The following SMYD3 variants were observed in gnomAD, a reference collection of about 807,000 sequenced individuals.
The protein encoded by SMYD3 is histone-lysine N-methyltransferase SMYD3.
SMYD3 carries 36 observed loss-of-function variants against 57.7 expected under a neutral mutation model. The ratio of observed to expected loss-of-function variants is 0.62; its 90% CI spans 0.48 to 0.82. The LOEUF is 0.82. SMYD3 is among the 40% of genes least tolerant of loss of function. The pLI, the probability that SMYD3 is intolerant of heterozygous loss-of-function variation, is 0.00. For synonymous variants in SMYD3, 211 were observed against 195.0 expected (o/e 1.08, Z -0.68); for missense variants, 515 against 538.8 (o/e 0.96, Z 0.44).
At chr1:246,113,872 T>A (rs184400467) in intron 5 of SMYD3, 4 of 152,080 alleles carry the variant, frequency 2.6e-5, no homozygotes, top group Admixed American at 1.3e-4. Flanking sequence ...AATGACCACC[T>A]CACTCTACTC....
intron 5 of SMYD3, among the ~76,000 whole-genome samples, chr1:245,991,766 C>T (rs976164386): frequency 1.3e-5 from 2 of 151,828 alleles, no homozygotes; most frequent in South Asian, 2.1e-4. Context: ...AACGGCCTGC[C>T]GTCATTTCTA....
At chr1:246,145,741 C>T (rs527365563) in intron 5 of SMYD3, among the ~76,000 whole-genome samples, 2 of 152,286 alleles carry the variant, frequency 1.3e-5, no homozygotes, top group South Asian at 2.1e-4. Context: ...ACAGACATCA[C>T]GAAGGTTAAA....
At position 246,166,761 on chromosome 1, in the gene SMYD3, G is replaced by A. The variant is rs544612808; in HGVS notation, c.531+160440C>T. ...GTAATACCTGAGAGCTAGGGGCCGC[G>A]GGATAACTTAGTCATTATTGTTTTT... On this transcript the variant is annotated intron_variant, in intron 5 of 11. Transcript: ENST00000490107. Among the ~76,000 whole-genome samples the A allele has an allele frequency of 1.6e-3, 248 of 152,206 alleles. 1 individual carries two copies. Among genetic ancestry groups the A allele is most frequent in the African/African-American group, 5.5e-3 (229 of 41,514 alleles).
intron 5 of SMYD3, among the ~76,000 whole-genome samples, chr1:246,205,854 T>G (rs1036507952): frequency 6.6e-5 from 10 of 152,086 alleles, no homozygotes; most frequent in African/African-American, 2.2e-4. Context: ...AAGAGCAAAC[T>G]TCCCAGTTCT....
At chr1:246,152,742 TA>T (rs1274146470) in intron 5 of SMYD3, among the ~76,000 whole-genome samples, 1 of 140,940 alleles carries the variant, frequency 7.1e-6, no homozygotes, top group Non-Finnish European at 1.6e-5. Context: ...GAATTAACAT[TA>T]CGTATTTTTG....
At chr1:245,993,627 TAGATAGACAGAC>T (rs1336038746) in intron 5 of SMYD3, among the ~76,000 whole-genome samples, 76 of 107,018 alleles carry the variant, frequency 7.1e-4, no homozygotes, top group African/African-American at 2.7e-3. Context: ...GATAGATAGA[TAGATAGACAGAC>T]AGACAGACAG....
chr1:245,874,629 T>G (rs1038006857), intron 8 of SMYD3, among the ~76,000 whole-genome samples: 2 of 152,218 alleles, frequency 1.3e-5, no homozygotes, highest in African/African-American at 4.8e-5. Context: ...CCTTAGACCA[T>G]GTGTCACACA....
At chr1:246,471,898 A>C (rs533652106) in intron 1 of SMYD3, among the ~76,000 whole-genome samples, 11 of 152,362 alleles carry the variant, frequency 7.2e-5, no homozygotes, top group Non-Finnish European at 1.5e-4. Context: ...ATTAGCAGGA[A>C]GCACAACCCA....
intron 5 of SMYD3, among the ~76,000 whole-genome samples, chr1:246,172,128 T>C (rs1456190756): frequency 6.6e-6 from 1 of 152,198 alleles, no homozygotes. Context: ...GGCAGGTGAA[T>C]GTGAAGGCCT....
chr1:246,473,109 G>A (rs964879742), intron 1 of SMYD3, among the ~76,000 whole-genome samples: 18 of 151,866 alleles, frequency 1.2e-4, no homozygotes, highest in Admixed American at 3.3e-4. Flanking sequence ...CACCTGCCTC[G>A]GCCTCCCAAA....
intron 5 of SMYD3, among the ~76,000 whole-genome samples, chr1:246,304,976 T>C (rs182641943): frequency 6.6e-6 from 1 of 152,286 alleles, no homozygotes; most frequent in Admixed American, 6.5e-5. Flanking sequence ...CAGGAACAAC[T>C]AACATATACC....
chr1:246,169,935 A>G (rs1010365436), intron 5 of SMYD3, among the ~76,000 whole-genome samples: 1 of 151,884 alleles, frequency 6.6e-6, no homozygotes, highest in East Asian at 1.9e-4. Context: ...AGAAATCTTC[A>G]GTCTAAAATG....
At chr1:246,413,548 G>A (rs2067009911) in intron 1 of SMYD3, among the ~76,000 whole-genome samples, 1 of 152,248 alleles carries the variant, frequency 6.6e-6, no homozygotes. Context: ...AGGGTTGGAG[G>A]TGGGGCCTGC....
intron 1 of SMYD3, among the ~76,000 whole-genome samples, chr1:246,412,868 A>AG (rs939700047): frequency 6.6e-6 from 1 of 152,006 alleles, no homozygotes; most frequent in Non-Finnish European, 1.5e-5. Context: ...CAAAAAAAAA[A>AG]AAAAAAAGAA....
intron 5 of SMYD3, among the ~76,000 whole-genome samples, chr1:246,249,643 C>T (rs1035979188): frequency 6.6e-6 from 1 of 151,884 alleles, no homozygotes; most frequent in Admixed American, 6.6e-5. Flanking sequence ...TACAGCCCAA[C>T]AAAACAGTTT....
intron 10 of SMYD3, among the ~76,000 whole-genome samples, chr1:245,783,589 G>C (rs1365543366): frequency 6.6e-6 from 1 of 151,806 alleles, no homozygotes; most frequent in Non-Finnish European, 1.5e-5. Context: ...AGAATAGAAA[G>C]GAAAAAATAA....
chr1:245,766,601 A>C (rs939525510), intron 10 of SMYD3, among the ~76,000 whole-genome samples: 1 of 152,182 alleles, frequency 6.6e-6, no homozygotes, highest in Non-Finnish European at 1.5e-5. Context: ...GCATAAGGGC[A>C]GGACGCCATC....
intron 3 of SMYD3, among the ~76,000 whole-genome samples, chr1:246,335,079 GTCTAATGA>G (rs2065519799): frequency 6.6e-6 from 1 of 152,152 alleles, no homozygotes; most frequent in African/African-American, 2.4e-5. Context: ...GCACTGAAGG[GTCTAATGA>G]TCCTTAGCAG....
intron 10 of SMYD3, among the ~76,000 whole-genome samples, chr1:245,770,541 C>G (rs2046293301): frequency 6.6e-6 from 1 of 152,196 alleles, no homozygotes. Flanking sequence ...GTAAACATGT[C>G]TGAAGGAGAT....
Sources: allele counts gnomAD v4.1 joint callset (sites outside exome capture counted in the v4.1 genomes callset), GRCh38; gene constraint gnomAD v4.1.1; transcripts MANE v1.5; gene names NCBI Gene and HGNC (gene_info 2026-07-23, HGNC 2026-07-21).